PRKAR2B: variants seen among roughly 807,000 people sequenced by gnomAD.
PRKAR2B encodes cAMP-dependent protein kinase type II-beta regulatory subunit.
A neutral mutation model predicts 49.9 loss-of-function variants in PRKAR2B; 14 were observed. That is an observed-to-expected ratio of 0.28 (90% confidence interval 0.19 to 0.44). PRKAR2B has a LOEUF of 0.44. Ranked by LOEUF, PRKAR2B falls within the 20% of genes least tolerant of loss-of-function variation. The pLI, the probability that PRKAR2B is intolerant of heterozygous loss-of-function variation, is 1.00. For synonymous variants in PRKAR2B, 196 were observed against 197.7 expected (o/e 0.99, Z 0.07); for missense variants, 393 against 537.9 (o/e 0.73, Z 2.67).
At chr7:107,078,332 C>T (rs926957281) in intron 2 of PRKAR2B, 4 of 152,230 alleles carry the variant, frequency 2.6e-5, no homozygotes, top group Admixed American at 1.3e-4. Context: ...GAGAATTTGA[C>T]TGAGGCAACA....
chr7:107,054,408 A>G (rs1793872082), intron 1 of PRKAR2B, among the ~76,000 whole-genome samples: 2 of 152,120 alleles, frequency 1.3e-5, no homozygotes, highest in African/African-American at 4.8e-5. Context: ...ATGATTCTAA[A>G]TTGATATAGC....
At chr7:107,065,273 T>C (rs1794111991) in intron 1 of PRKAR2B, among the ~76,000 whole-genome samples, 4 of 151,752 alleles carry the variant, frequency 2.6e-5, no homozygotes, top group Admixed American at 2.6e-4. Context: ...ACAGCTCCAG[T>C]GTAGATAGGG....
chr7:107,067,779 CT>C (rs1438144857), intron 1 of PRKAR2B, among the ~76,000 whole-genome samples: 1 of 152,128 alleles, frequency 6.6e-6, no homozygotes, highest in Non-Finnish European at 1.5e-5. Flanking sequence ...TGATGAACAT[CT>C]ATTAGTAAAA....
At chr7:107,100,115 T>TAC (rs1794930696) in intron 2 of PRKAR2B, among the ~76,000 whole-genome samples, 1 of 152,100 alleles carries the variant, frequency 6.6e-6, no homozygotes, top group Non-Finnish European at 1.5e-5. Flanking sequence ...TTCCTGTAGA[T>TAC]TTGAGTTACT....
intron 1 of PRKAR2B, among the ~76,000 whole-genome samples, chr7:107,055,270 T>C (rs1357111288): frequency 6.6e-6 from 1 of 152,216 alleles, no homozygotes; most frequent in Non-Finnish European, 1.5e-5. Context: ...CCACAATAAA[T>C]ACATGTGTGC....
At chr7:107,141,000 G>A (rs2302453) in intron 5 of PRKAR2B, 47 bp downstream of exon 5, 617,771 of 1,359,904 alleles carry the variant, frequency 0.45, 147,047 homozygotes, top group Middle Eastern at 0.48. Flanking sequence ...AACCTTTTGT[G>A]TAAAATCTCA....
chr7:107,128,805 T>TG (rs397721317), intron 4 of PRKAR2B: 1 of 150,590 alleles, frequency 6.6e-6, no homozygotes, highest in Admixed American at 6.6e-5. Context: ...TTTTTTTTTT[T>TG]GGTCCTTTAT....
At chr7:107,068,728 T>C (rs1794202913) in intron 1 of PRKAR2B, 1 of 152,174 alleles carries the variant, frequency 6.6e-6, no homozygotes, top group African/African-American at 2.4e-5. Flanking sequence ...ATGAAGATCA[T>C]GAAGGAAGAT....
chr7:107,139,694 C>G (rs1043486044), intron 4 of PRKAR2B, among the ~76,000 whole-genome samples: 4 of 152,220 alleles, frequency 2.6e-5, no homozygotes, highest in African/African-American at 9.6e-5. Context: ...TCTCATCCAT[C>G]AGTTGTCCCT....
intron 2 of PRKAR2B, among the ~76,000 whole-genome samples, chr7:107,108,596 T>C (rs1795118965): frequency 1.3e-5 from 2 of 152,010 alleles, no homozygotes; most frequent in South Asian, 4.2e-4. Context: ...AGCCATATGG[T>C]GTTGATTGGT....
intron 2 of PRKAR2B, among the ~76,000 whole-genome samples, chr7:107,117,251 G>A (rs1048069525): frequency 6.6e-6 from 1 of 151,868 alleles, no homozygotes; most frequent in Non-Finnish European, 1.5e-5. Context: ...CTTTGTAGGA[G>A]GGCGTTTCCC....
intron 4 of PRKAR2B, among the ~76,000 whole-genome samples, chr7:107,129,963 T>C (rs1328493066): frequency 6.6e-6 from 1 of 152,190 alleles, no homozygotes; most frequent in Non-Finnish European, 1.5e-5. Flanking sequence ...TTATGACCTG[T>C]ATCTTGTGCT....
intron 7 of PRKAR2B, among the ~76,000 whole-genome samples, chr7:107,151,306 TGTA>T (rs1423049198): frequency 6.6e-6 from 1 of 152,250 alleles, no homozygotes; most frequent in East Asian, 1.9e-4. Flanking sequence ...ATCACATAGA[TGTA>T]GACAAGAGCC....
intron 2 of PRKAR2B, among the ~76,000 whole-genome samples, chr7:107,096,796 C>T (rs1293645844): frequency 2.6e-5 from 4 of 152,134 alleles, no homozygotes; most frequent in Non-Finnish European, 5.9e-5. Flanking sequence ...GCAGGTTGTT[C>T]GGTTTCCATG....
Position 107,150,914 on chromosome 7 carries a change from G to T in PRKAR2B, c.742-8G>T. ...ATAAAATTTACCCTTTAACTGTTCTGCCTGTAGGACAGGGTAACCTTCAGG... is the reference window on the plus strand; with the variant it reads ...ATAAAATTTACCCTTTAACTGTTCTTCCTGTAGGACAGGGTAACCTTCAGG... On this transcript the variant is annotated splice_polypyrimidine_tract_variant and splice_region_variant and intron_variant, in intron 6 of 10. Coordinates refer to ENST00000265717, the MANE Select transcript of PRKAR2B (RefSeq NM_002736.3). 6.6e-7 allele frequency: 1 copy of T among 1,520,860 alleles called. No individual in the cohort carries two copies. Among genetic ancestry groups the T allele is most frequent in the Non-Finnish European group, 9.0e-7 (1 of 1,108,456 alleles). The allele number at this position is 1,520,860 out of a possible 1,614,324, so 94.2% of individuals were successfully genotyped here.
rs143059882 is a variant in PRKAR2B at position 107,088,097 on chromosome 7, C to T, written c.343+17781C>T. ...AGCTTTTAGATACTATTATTATTTC[C>T]GTTTTAAAGAAACGAAAACTGAGGC... On this transcript the variant is annotated intron_variant, in intron 2 of 10. Transcript: ENST00000265717. 1.7e-3 allele frequency among the ~76,000 whole-genome samples: 254 copies of T among 152,096 alleles called. 2 individuals carry two copies. Among genetic ancestry groups the T allele is most frequent in the African/African-American group, 5.9e-3 (243 of 41,484 alleles).
At chr7:107,083,117 GCTTGT>G (rs1794546788) in intron 2 of PRKAR2B, among the ~76,000 whole-genome samples, 1 of 151,710 alleles carries the variant, frequency 6.6e-6, no homozygotes, top group Non-Finnish European at 1.5e-5. Flanking sequence ...GGTGGCTCAT[GCTTGT>G]AATCCCAGCA....
intron 1 of PRKAR2B, among the ~76,000 whole-genome samples, chr7:107,061,972 G>GA (rs1299760039): frequency 6.6e-5 from 10 of 152,006 alleles, no homozygotes; most frequent in Non-Finnish European, 1.0e-4. Flanking sequence ...TCAGGATAGT[G>GA]AAAAAACCAC....
chr7:107,046,466 A>T (rs975842025), intron 1 of PRKAR2B, among the ~76,000 whole-genome samples: 2 of 152,214 alleles, frequency 1.3e-5, no homozygotes, highest in African/African-American at 4.8e-5. Context: ...GTGTATTTTT[A>T]GTTTCTCCAA....
Sources: allele counts gnomAD v4.1 joint callset (sites outside exome capture counted in the v4.1 genomes callset), GRCh38; gene constraint gnomAD v4.1.1; transcripts MANE v1.5; gene names NCBI Gene and HGNC (gene_info 2026-07-23, HGNC 2026-07-21).